The following NCALD variants were observed in gnomAD, a reference collection of about 807,000 sequenced individuals.
NCALD encodes neurocalcin-delta.
A neutral mutation model predicts 18.6 loss-of-function variants in NCALD; 10 were observed. The observed-to-expected ratio is 0.54, with a 90% CI of 0.33 to 0.91. The LOEUF is 0.91. Among genes scored for constraint, NCALD ranks in the 40% least tolerant of loss-of-function variants. NCALD has a pLI of 0.03. For synonymous variants in NCALD, 88 were observed against 87.4 expected (o/e 1.01, Z -0.04); for missense variants, 184 against 247.6 (o/e 0.74, Z 1.72).
chr8:101,720,021 A>C (rs546342117), intron 1 of NCALD, among the ~76,000 whole-genome samples: 43 of 152,330 alleles, frequency 2.8e-4, no homozygotes, highest in African/African-American at 1.0e-3. Context: ...AAATTTAAGA[A>C]GGCTGGGGTT....
chr8:101,708,809 A>G (rs1815649537), intron 2 of NCALD, among the ~76,000 whole-genome samples: 1 of 152,230 alleles, frequency 6.6e-6, no homozygotes, highest in South Asian at 2.1e-4. Flanking sequence ...CCCAGAGCAC[A>G]TCTAAGCACT....
chr8:101,733,778 G>A (rs1053805851), intron 1 of NCALD, among the ~76,000 whole-genome samples: 10 of 152,224 alleles, frequency 6.6e-5, no homozygotes, highest in Non-Finnish European at 1.3e-4. Flanking sequence ...TTGCTAGCCA[G>A]GGGTGAAAGA....
rs1441060025 is a variant in NCALD, at chr8:101,951,104, C to T, written c.-156-35246G>A. On this transcript the variant is annotated intron_variant, in intron 2 of 6. Transcript: ENST00000311028. Reference sequence around the variant, plus strand: ...GCCCTCCTTCTGGGAGAATCATTTCCAATGTTGGTCTTGGTTTTGGGAATA... The same window carrying T: ...GCCCTCCTTCTGGGAGAATCATTTCTAATGTTGGTCTTGGTTTTGGGAATA... 4.6e-5 allele frequency among the ~76,000 whole-genome samples: 7 copies of T among 152,098 alleles called. No homozygotes were observed. The East Asian group carries it at 1.3e-3, about 29-fold the overall frequency.
intron 2 of NCALD, among the ~76,000 whole-genome samples, chr8:101,698,643 C>T (rs1815115207): frequency 6.6e-6 from 1 of 152,190 alleles, no homozygotes; most frequent in Non-Finnish European, 1.5e-5. Context: ...CTACAACCAT[C>T]TGATCTTTGA....
chr8:102,021,155 G>A (rs898323786), intron 1 of NCALD, among the ~76,000 whole-genome samples: 12 of 152,144 alleles, frequency 7.9e-5, no homozygotes, highest in African/African-American at 2.4e-4. Context: ...CACAGATCAT[G>A]TCTGTGTCTT....
intron 1 of NCALD, among the ~76,000 whole-genome samples, chr8:102,077,811 G>A (rs1233100653): frequency 1.3e-5 from 2 of 152,102 alleles, no homozygotes; most frequent in Non-Finnish European, 2.9e-5. Flanking sequence ...GCTGCTCCTC[G>A]GTTCTCTTTG....
rs576785471 is a variant in NCALD, at chr8:101,958,179, A to G, written c.-156-42321T>C. Among the ~76,000 whole-genome samples, 15 of 152,274 alleles carry G rather than the reference A, an allele frequency of 9.9e-5. No homozygotes were observed. The East Asian group carries it at 2.9e-3, about 29-fold the overall frequency. ...AAATGGAATTATAATGAGCAATTCT[A>G]AATTCAGAGAAATTAACTTTTGGAT... On this transcript the variant is annotated intron_variant, in intron 2 of 6. Transcript: ENST00000311028.
intron 1 of NCALD, among the ~76,000 whole-genome samples, chr8:101,760,592 T>C (rs1811072297): frequency 6.6e-6 from 1 of 152,210 alleles, no homozygotes; most frequent in Non-Finnish European, 1.5e-5. Context: ...CAGCGTGCAT[T>C]CGTGAAATTC....
In NCALD at chr8:101,825,450, C is replaced by A. The variant is rs192064494; in HGVS notation, c.-20+61691G>T. On this transcript the variant is annotated intron_variant, in intron 4 of 6. Transcript: ENST00000311028. ...GCATCCTTGAACAATCCAGTTAGAT[C>A]TGGCCTGCCTTGGAATGTGGGTAAA... 3.0e-3 allele frequency among the ~76,000 whole-genome samples: 450 copies of A among 152,348 alleles called. 3 individuals are homozygous for A. The highest frequency in any genetic ancestry group is 0.014 in the Middle Eastern group (4 of 294).
chr8:101,968,995 C>T (rs1477764590), intron 2 of NCALD, among the ~76,000 whole-genome samples: 48 of 152,170 alleles, frequency 3.2e-4, no homozygotes, highest in Admixed American at 3.1e-3. Context: ...TTGGATTCTA[C>T]TGTATTCACA....
At chr8:102,039,198 C>T (rs1170155065) in intron 1 of NCALD, among the ~76,000 whole-genome samples, 1 of 152,116 alleles carries the variant, frequency 6.6e-6, no homozygotes, top group Non-Finnish European at 1.5e-5. Context: ...CTAGCCTGTG[C>T]TAGGTCCTCT....
chr8:102,122,088 G>A (rs1191460874), intron 1 of NCALD, among the ~76,000 whole-genome samples: 1 of 152,218 alleles, frequency 6.6e-6, no homozygotes, highest in Non-Finnish European at 1.5e-5. Flanking sequence ...AGAATGATGC[G>A]AGGGCTACAT....
chr8:102,024,985 T>A (rs1442415855), intron 1 of NCALD, among the ~76,000 whole-genome samples: 1 of 152,082 alleles, frequency 6.6e-6, no homozygotes, highest in Non-Finnish European at 1.5e-5. Context: ...TTGCTCCCCA[T>A]CCCAACTCCA....
intron 1 of NCALD, among the ~76,000 whole-genome samples, chr8:101,729,258 G>A (rs1292934978): frequency 1.3e-5 from 2 of 152,126 alleles, no homozygotes; most frequent in Non-Finnish European, 2.9e-5. Flanking sequence ...GGCAAATTAG[G>A]AAATAAAACA....
intron 2 of NCALD, among the ~76,000 whole-genome samples, chr8:101,927,826 G>A (rs1001396925): frequency 1.3e-5 from 2 of 152,230 alleles, no homozygotes; most frequent in African/African-American, 4.8e-5. Flanking sequence ...AGACCACAGG[G>A]GAGAGCCCAA....
intron 1 of NCALD, among the ~76,000 whole-genome samples, chr8:101,746,385 G>C (rs1161418762): frequency 2.0e-5 from 3 of 152,144 alleles, no homozygotes; most frequent in Non-Finnish European, 4.4e-5. Context: ...GCATGTACAA[G>C]TGTTGCAGAA....
intron 4 of NCALD, among the ~76,000 whole-genome samples, chr8:101,807,968 A>AT (rs1813164758): frequency 1.3e-5 from 2 of 152,184 alleles, no homozygotes; most frequent in South Asian, 4.1e-4. Flanking sequence ...AAAACAAGGT[A>AT]TAATAGAGAA....
chr8:102,067,180 G>A (rs1425386098), intron 1 of NCALD, among the ~76,000 whole-genome samples: 2 of 152,144 alleles, frequency 1.3e-5, no homozygotes, highest in Non-Finnish European at 2.9e-5. Flanking sequence ...GGGTCCACCT[G>A]TTATATGTGC....
At chr8:101,798,990 C>T (rs1257524903) in intron 4 of NCALD, among the ~76,000 whole-genome samples, 4 of 152,070 alleles carry the variant, frequency 2.6e-5, no homozygotes, top group Non-Finnish European at 4.4e-5. Context: ...TAGACAAGGA[C>T]CTGTTAAGAA....
Sources: allele counts gnomAD v4.1 joint callset (sites outside exome capture counted in the v4.1 genomes callset), GRCh38; gene constraint gnomAD v4.1.1; transcripts MANE v1.5; gene names NCBI Gene and HGNC (gene_info 2026-07-23, HGNC 2026-07-21).